SETDB1: variants seen among roughly 807,000 people sequenced by gnomAD.
SETDB1 encodes SET domain bifurcated histone lysine methyltransferase 1.
SETDB1 carries 31 observed loss-of-function variants against 137.4 expected under a neutral mutation model. That is an observed-to-expected ratio of 0.23 (90% confidence interval 0.17 to 0.30). SETDB1 has a LOEUF of 0.30. Ranked by LOEUF, SETDB1 falls within the 10% of genes least tolerant of loss-of-function variation. The pLI, the probability that SETDB1 is intolerant of heterozygous loss-of-function variation, is 1.00. For missense variants in SETDB1, 1,113 were observed against 1,631.5 expected, an observed-to-expected ratio of 0.68 and a Z score of 5.47; for synonymous variants, 548 against 579.9, an observed-to-expected ratio of 0.95 and a Z score of 0.79.
At position 150,943,946 on chromosome 1, in the gene SETDB1, A is replaced by C; in HGVS notation, c.902A>C (p.Tyr301Ser). The change falls in exon 8 of 22, where the codon TAT (tyrosine) becomes TCT (serine). Residue 301 changes from tyrosine (Y) to serine (S), a missense_variant. Tyr to Ser is a moderately radical substitution (Grantham distance 144, BLOSUM62 -2). Around this residue, in one of 11 missense-constraint regions of SETDB1, gnomAD observed 154 missense variants for 303.1 expected, o/e 0.51. Coordinates refer to ENST00000692827, the MANE Select transcript of SETDB1 (RefSeq NM_001366418.1). ...TTTCTCATTTTCTTTGATGATGGCT[A>C]TGCTTCCTATGTCACACAGTCGGAA... ...LRFLIFFDDG[Y>S]ASYVTQSELY... The C allele has an allele frequency of 6.2e-7, 1 of 1,613,146 alleles. No individual in the cohort carries two copies.
intron 3 of SETDB1, among the ~76,000 whole-genome samples, chr1:150,935,067 C>T (rs587703262): frequency 3.3e-5 from 5 of 152,310 alleles, no homozygotes; most frequent in East Asian, 1.9e-4. Context: ...GTGATCCACA[C>T]GCCTTGGCCT....
chr1:150,962,256 C>T, intron 17 of SETDB1, 98 bp downstream of exon 17: 1 of 1,078,940 alleles, frequency 9.3e-7, no homozygotes, highest in East Asian at 2.4e-5. Flanking sequence ...GCAACCTCCC[C>T]CTCCCAGGCT....
chr1:150,939,251 ATTTTT>A (rs71580343), intron 3 of SETDB1, among the ~76,000 whole-genome samples: 3 of 107,190 alleles, frequency 2.8e-5, no homozygotes, highest in Non-Finnish European at 5.4e-5. Context: ...TGCACCCAGC[ATTTTT>A]TTTTTTTTTT....
chr1:150,957,632 T>C (rs1363838017), intron 14 of SETDB1, among the ~76,000 whole-genome samples: 1 of 152,244 alleles, frequency 6.6e-6, no homozygotes, highest in Non-Finnish European at 1.5e-5. Flanking sequence ...ATAACTGTGT[T>C]ATCTTCCTTT....
rs759639773 is a variant in SETDB1, at chr1:150,963,761, C to T, written c.3672+20C>T. 61 of 1,607,994 alleles carry T rather than the reference C, an allele frequency of 3.8e-5. No homozygotes were observed. The highest frequency in any genetic ancestry group is 5.1e-5 in the Non-Finnish European group (60 of 1,174,592). On this transcript the variant is annotated intron_variant, in intron 20 of 21. Coordinates refer to ENST00000692827, the MANE Select transcript of SETDB1 (RefSeq NM_001366418.1). Reference sequence around the variant, plus strand: ...CTCAACGTGAGACCCCTCTCCCCACCTCTAGATGCTGGATTATCCCATGGT... The same window carrying T: ...CTCAACGTGAGACCCCTCTCCCCACTTCTAGATGCTGGATTATCCCATGGT...
intron 3 of SETDB1, among the ~76,000 whole-genome samples, chr1:150,933,894 C>T (rs1482521491): frequency 6.6e-6 from 1 of 150,622 alleles, no homozygotes; most frequent in Non-Finnish European, 1.5e-5. Flanking sequence ...AGCGATTCTC[C>T]TGCCTCAGCC....
At chr1:150,931,849 A>G (rs927744215) in intron 3 of SETDB1, among the ~76,000 whole-genome samples, 64 of 151,840 alleles carry the variant, frequency 4.2e-4, no homozygotes, top group African/African-American at 1.5e-3. Flanking sequence ...TTATTAAATT[A>G]AAGGAATCCC....
In SETDB1 at chr1:150,941,437, C is replaced by G. The variant is rs1670145462; in HGVS notation, c.547+9C>G. On this transcript the variant is annotated intron_variant, in intron 5 of 21. Coordinates refer to ENST00000692827, the MANE Select transcript of SETDB1 (RefSeq NM_001366418.1). ...CCAGGATCTGCATAAAGGTTAGGGT[C>G]AAGAAATACCTGGGTACAGATGGGA... 3 of 1,516,296 alleles carry G rather than the reference C, an allele frequency of 2.0e-6. No homozygotes were observed. The highest frequency in any genetic ancestry group is 2.7e-6 in the Non-Finnish European group (3 of 1,091,276). The allele number at this position is 1,516,296 out of a possible 1,614,324, so 93.9% of individuals were successfully genotyped here. A position where few individuals can be genotyped will look rare whatever the true frequency, so the allele number is the denominator to read the frequency against.
At position 150,961,188 on chromosome 1, in the gene SETDB1, A is replaced by G. The variant is rs1670805049; in HGVS notation, c.3129A>G (p.Lys1043=). 1 of 1,612,580 alleles carries G rather than the reference A, an allele frequency of 6.2e-7. No individual in the cohort carries two copies. The highest frequency in any genetic ancestry group is 1.7e-5 in the Admixed American group (1 of 59,970). ...AGGGAGACATCAAACAGGCCAAGAA[A>G]GAGGTAAGCAGTGGCAGAACACTCT... is the stretch of plus-strand genomic sequence containing the variant. ...KDEGDIKQAK[K]EDTDDRNKMS... is the part of the protein sequence containing the mutation. The change falls in exon 16 of 22, where the codon AAA becomes AAG. Residue 1043 remains lysine, a synonymous_variant. Transcript: ENST00000692827.
In SETDB1 at chr1:150,963,197, G is replaced by C. The variant is rs587772766; in HGVS notation, c.3460+58G>C. On this transcript the variant is annotated intron_variant, in intron 19 of 21. Transcript: ENST00000692827. The stretch of plus-strand genomic sequence containing the variant: ...GAAATAGTAAGAAACTTGGGATAGA[G>C]CATTTTTTAAGGAAGCTAAAGAAGT... The C allele has an allele frequency of 1.1e-4, 159 of 1,512,536 alleles. 1 individual carries two copies. The highest frequency in any genetic ancestry group is 1.1e-4 in the Non-Finnish European group (125 of 1,104,604). The allele number at this position is 1,512,536 out of a possible 1,614,324, so 93.7% of individuals were successfully genotyped here.
intron 5 of SETDB1, 72 bp from the exon 6 acceptor site, chr1:150,942,491 A>G (rs981714866): frequency 2.2e-5 from 30 of 1,338,726 alleles, no homozygotes; most frequent in Middle Eastern, 1.9e-4. Context: ...TTACCATACT[A>G]CCCTCTTTAC....
chr1:150,943,297 G>A (rs1319119649), intron 7 of SETDB1, among the ~76,000 whole-genome samples: 3 of 152,146 alleles, frequency 2.0e-5, no homozygotes, highest in African/African-American at 7.2e-5. Flanking sequence ...ATTGATTAAT[G>A]GTCAGGGGAA....
chr1:150,932,096 A>G (rs1669778425), intron 3 of SETDB1, among the ~76,000 whole-genome samples: 1 of 152,056 alleles, frequency 6.6e-6, no homozygotes, highest in Non-Finnish European at 1.5e-5. Flanking sequence ...TTAAAAAAAA[A>G]AGATCTTGGC....
Position 150,964,181 on chromosome 1 carries a change from C to G in SETDB1, c.3762-66C>G, listed in dbSNP as rs150357529. 1.6e-3 allele frequency: 2,468 copies of G among 1,531,822 alleles called. 31 individuals are homozygous for G. The African/African-American group carries it at 0.028, about 18-fold the overall frequency. 94.9% of individuals were successfully genotyped at this position (1,531,822 alleles called of 1,614,324 possible). ...CATGATCCAACTCCACCTACATATTCAGTAACCCCAAGTGCCTGGGTTATC... is the reference window on the plus strand; with the variant it reads ...CATGATCCAACTCCACCTACATATTGAGTAACCCCAAGTGCCTGGGTTATC... On this transcript the variant is annotated intron_variant, in intron 21 of 21. Coordinates refer to ENST00000692827, the MANE Select transcript of SETDB1 (RefSeq NM_001366418.1).
At chr1:150,963,395 G>C in intron 19 of SETDB1, 135 bp from the exon 20 acceptor site, 1 of 864,288 alleles carries the variant, frequency 1.2e-6, no homozygotes, top group South Asian at 1.7e-5. Context: ...TGCTACTTAG[G>C]ATCTTTGAGT....
Position 150,960,947 on chromosome 1 carries a change from C to T in SETDB1, c.2888C>T (p.Ser963Leu). The change falls in exon 16 of 22, where the codon TCA becomes TTA. Residue 963 changes from serine to leucine, a missense_variant. By Grantham distance (145) the Ser-to-Leu change is moderately radical. Transcript: ENST00000692827. ...LGPPHIPVPP[S>L]IPVGGCNPPS... Reference sequence around the variant, plus strand: ...CCCCCACATATTCCTGTTCCTCCCTCAATCCCTGTAGGTGGCTGCAATCCA... The same window carrying T: ...CCCCCACATATTCCTGTTCCTCCCTTAATCCCTGTAGGTGGCTGCAATCCA... 1 of 1,614,028 alleles carries T rather than the reference C, an allele frequency of 6.2e-7. No individual in the cohort carries two copies.
chr1:150,962,172 G>GTT lies in SETDB1; in HGVS notation c.3161+17_3161+18dup. The stretch of plus-strand genomic sequence containing the variant: ...CAAGATGTCAGTGTAAGTGCCTTTT[G>GTT]TTTTGTTTTGTTTTGAGACAGAGTC... On this transcript the variant is annotated intron_variant, in intron 17 of 21. Coordinates refer to ENST00000692827, the MANE Select transcript of SETDB1 (RefSeq NM_001366418.1). 5 of 1,610,258 alleles carry GTT rather than the reference G, an allele frequency of 3.1e-6. No homozygotes were observed. The highest frequency in any genetic ancestry group is 2.2e-5 in the East Asian group (1 of 44,830).
At chr1:150,931,311 C>T (rs1399125200) in intron 3 of SETDB1, among the ~76,000 whole-genome samples, 7 of 142,232 alleles carry the variant, frequency 4.9e-5, no homozygotes, top group South Asian at 2.4e-4. Context: ...CCTGGCCAGG[C>T]GTGGTGGCTC....
chr1:150,926,821 T>G (rs1350414739), intron 1 of SETDB1: 1 of 533,540 alleles, frequency 1.9e-6, no homozygotes, highest in Admixed American at 1.9e-5. Context: ...ACCCACGTTT[T>G]ATTCCCAGGT....
Sources: allele counts gnomAD v4.1 joint callset (sites outside exome capture counted in the v4.1 genomes callset), GRCh38; gene constraint gnomAD v4.1.1; regional missense constraint gnomAD v4.1.1; transcripts MANE v1.5; gene names NCBI Gene and HGNC (gene_info 2026-07-23, HGNC 2026-07-21).